PLXNA2: variants seen among roughly 807,000 people sequenced by gnomAD.
PLXNA2 encodes plexin A2.
PLXNA2 carries 91 observed loss-of-function variants against 193.5 expected under a neutral mutation model. The ratio of observed to expected loss-of-function variants is 0.47; its 90% CI spans 0.40 to 0.56. PLXNA2 has a LOEUF of 0.56. Among genes scored for constraint, PLXNA2 ranks in the 20% least tolerant of loss-of-function variants. The probability of loss-of-function intolerance (pLI) is 0.00; values close to 1 mark genes in which losing one functional copy is unlikely to be tolerated. For missense variants in PLXNA2, 1,995 were observed against 2,503.2 expected (o/e 0.80, Z 4.33); for synonymous variants, 997 against 1,027.3 (o/e 0.97, Z 0.56).
intron 3 of PLXNA2, among the ~76,000 whole-genome samples, chr1:208,147,217 C>G (rs529317913): frequency 6.6e-6 from 1 of 151,932 alleles, no homozygotes; most frequent in South Asian, 2.1e-4. Context: ...GAGACAGGGT[C>G]TCATTATGTT....
At chr1:208,140,214 T>C (rs1668420768) in intron 4 of PLXNA2, among the ~76,000 whole-genome samples, 1 of 152,154 alleles carries the variant, frequency 6.6e-6, no homozygotes, top group Non-Finnish European at 1.5e-5. Flanking sequence ...GTCTCAGAGA[T>C]GGCATCAGAT....
chr1:208,149,757 A>C (rs567154717), intron 3 of PLXNA2, among the ~76,000 whole-genome samples: 1 of 152,216 alleles, frequency 6.6e-6, no homozygotes, highest in East Asian at 1.9e-4. Flanking sequence ...CATGACCCGA[A>C]TTATTTATAG....
At chr1:208,162,803 A>G (rs190688539) in intron 3 of PLXNA2, among the ~76,000 whole-genome samples, 5 of 152,296 alleles carry the variant, frequency 3.3e-5, no homozygotes, top group African/African-American at 1.2e-4. Flanking sequence ...TCATACTCCT[A>G]GTAAGAACAG....
intron 4 of PLXNA2, among the ~76,000 whole-genome samples, chr1:208,104,658 G>C (rs1363741672): frequency 1.3e-5 from 2 of 152,196 alleles, no homozygotes; most frequent in African/African-American, 4.8e-5. Context: ...CTTAAGTGTA[G>C]GGTGTACAGT....
intron 3 of PLXNA2, among the ~76,000 whole-genome samples, chr1:208,152,323 G>A (rs1019559503): frequency 6.6e-6 from 1 of 152,032 alleles, no homozygotes; most frequent in Non-Finnish European, 1.5e-5. Context: ...CATGGTAACC[G>A]AGAGAAATGG....
At chr1:208,241,107 T>A (rs1461548802) in intron 1 of PLXNA2, among the ~76,000 whole-genome samples, 1 of 152,190 alleles carries the variant, frequency 6.6e-6, no homozygotes, top group East Asian at 1.9e-4. Flanking sequence ...TGGTTTCCCC[T>A]CCTGTTCCTA....
At chr1:208,130,534 C>T (rs1358671014) in intron 4 of PLXNA2, among the ~76,000 whole-genome samples, 1 of 152,210 alleles carries the variant, frequency 6.6e-6, no homozygotes, top group Non-Finnish European at 1.5e-5. Flanking sequence ...TGCACACAGC[C>T]TCCATTCCAT....
At chr1:208,119,656 C>G (rs1470208984) in intron 4 of PLXNA2, among the ~76,000 whole-genome samples, 2 of 152,212 alleles carry the variant, frequency 1.3e-5, no homozygotes, top group Non-Finnish European at 2.9e-5. Context: ...GTCACCCAGG[C>G]TAGAGTGCAG....
At chr1:208,142,285 A>T (rs1287240093) in intron 4 of PLXNA2, 44 bp downstream of exon 4, 11 of 1,544,350 alleles carry the variant, frequency 7.1e-6, no homozygotes, top group Non-Finnish European at 9.6e-6. Flanking sequence ...GATTATCAGC[A>T]GTTTCTTGGA....
chr1:208,134,667 C>T (rs1668251518), intron 4 of PLXNA2, among the ~76,000 whole-genome samples: 1 of 152,196 alleles, frequency 6.6e-6, no homozygotes, highest in Non-Finnish European at 1.5e-5. Context: ...CAAGGCCTCC[C>T]AGCCCAGGCA....
chr1:208,225,345 C>T lies in PLXNA2; in HGVS notation c.-80-7343G>A, dbSNP rs1671476581. Among the ~76,000 whole-genome samples the T allele has an allele frequency of 3.3e-5, 5 of 152,112 alleles. No homozygotes were observed. In the South Asian group the frequency reaches 1.0e-3, roughly 32 times the overall value. ...TGAGACGGGGTCTCGCTCTGTCTCC[C>T]AGTCTGGAGTGCAGTGGCGCGATCT... is the stretch of plus-strand genomic sequence containing the variant. On this transcript the variant is annotated intron_variant, in intron 1 of 31. Transcript: ENST00000367033.
In PLXNA2 at chr1:208,079,460, G is replaced by C. The variant is rs370270442; in HGVS notation, c.2396-10C>G. ...CACTTGTAGAGATGGACTGCAAAGAGAGCAGGTGGTCACAGATGAAACCAG... is the reference window on the plus strand; with the variant it reads ...CACTTGTAGAGATGGACTGCAAAGACAGCAGGTGGTCACAGATGAAACCAG... On this transcript the variant is annotated splice_polypyrimidine_tract_variant and intron_variant, in intron 11 of 31. Coordinates refer to ENST00000367033, the MANE Select transcript of PLXNA2 (RefSeq NM_025179.4). The C allele has an allele frequency of 2.1e-4, 332 of 1,558,508 alleles. 1 individual carries two copies. The highest frequency in any genetic ancestry group is 2.8e-4 in the Non-Finnish European group (325 of 1,144,324).
chr1:208,166,071 C>T (rs1286047036), intron 3 of PLXNA2, among the ~76,000 whole-genome samples: 1 of 152,188 alleles, frequency 6.6e-6, no homozygotes, highest in Non-Finnish European at 1.5e-5. Context: ...CCTCCTTCCC[C>T]ACCACCCCAC....
chr1:208,034,308 G>A (rs372264208), intron 27 of PLXNA2, among the ~76,000 whole-genome samples, 185 bp downstream of exon 27: 6 of 152,330 alleles, frequency 3.9e-5, no homozygotes, highest in Middle Eastern at 6.8e-3. Flanking sequence ...CTGCTCCCAC[G>A]GCTCTGAGGG....
chr1:208,059,244 T>A (rs1358867587), intron 13 of PLXNA2, among the ~76,000 whole-genome samples: 5 of 152,236 alleles, frequency 3.3e-5, no homozygotes, highest in Non-Finnish European at 7.3e-5. Context: ...CACCTCTTTT[T>A]TGGCTCAGAA....
intron 4 of PLXNA2, among the ~76,000 whole-genome samples, chr1:208,126,345 A>T (rs893082714): frequency 3.9e-5 from 6 of 152,314 alleles, no homozygotes; most frequent in African/African-American, 1.2e-4. Flanking sequence ...AGATAGGGTC[A>T]GTCACAGACT....
intron 12 of PLXNA2, among the ~76,000 whole-genome samples, chr1:208,061,494 T>C (rs1470214595): frequency 6.6e-6 from 1 of 151,534 alleles, no homozygotes; most frequent in Admixed American, 6.6e-5. Context: ...GTGTGGGGAG[T>C]AGAGACTAGG....
chr1:208,105,888 G>A (rs535694387), intron 4 of PLXNA2, among the ~76,000 whole-genome samples: 6 of 152,224 alleles, frequency 3.9e-5, no homozygotes, highest in South Asian at 2.1e-4. Context: ...CATTCGGCCC[G>A]TCTGTCAAAA....
At position 208,042,269 on chromosome 1, in the gene PLXNA2, A is replaced by G; in HGVS notation, c.4115T>C (p.Leu1372Pro). The change falls in exon 22 of 32, where the codon CTG becomes CCG. Residue 1372 changes from leucine (L) to proline (P), a missense_variant. Leu to Pro is a moderately conservative substitution (Grantham distance 98, BLOSUM62 -3). Around this residue, in one of 3 missense-constraint regions of PLXNA2, gnomAD observed 1,291 missense variants for 1,673.6 expected, o/e 0.77. Transcript: ENST00000367033. ...CATGGAGAAACTGCGCTGCAGCTCC[A>G]GGGTGCGGATGAAGGTCAGCAGGAA... ...KVFLLTFIRT[L>P]ELQRSFSMRD... The G allele has an allele frequency of 6.2e-7, 1 of 1,614,220 alleles. No homozygotes were observed. The highest frequency in any genetic ancestry group is 8.5e-7 in the Non-Finnish European group (1 of 1,180,026).
Sources: allele counts gnomAD v4.1 joint callset (sites outside exome capture counted in the v4.1 genomes callset), GRCh38; gene constraint gnomAD v4.1.1; regional missense constraint gnomAD v4.1.1; transcripts MANE v1.5; gene names NCBI Gene and HGNC (gene_info 2026-07-23, HGNC 2026-07-21).